The following NSUN2 variants were observed in gnomAD, a reference collection of about 807,000 sequenced individuals.
The protein encoded by NSUN2 is RNA cytosine C(5)-methyltransferase NSUN2.
In NSUN2, 63 loss-of-function variants were observed where a neutral mutation model predicts 92.7. The ratio of observed to expected loss-of-function variants is 0.68; its 90% CI spans 0.56 to 0.84. The LOEUF (loss-of-function observed/expected upper bound fraction) is 0.84, where lower values mean the gene tolerates loss of function less well. NSUN2 is among the 40% of genes least tolerant of loss of function. The pLI is 0.00. For synonymous variants in NSUN2, 356 were observed against 348.3 expected (o/e 1.02, Z -0.25); for missense variants, 989 against 964.9 (o/e 1.02, Z -0.33).
chr5:6,628,991 AC>A (rs147212045), intron 3 of NSUN2, among the ~76,000 whole-genome samples: 288 of 152,322 alleles, frequency 1.9e-3, no homozygotes, highest in African/African-American at 6.7e-3. Flanking sequence ...GCTGCAGTGA[AC>A]CGTCATGACA....
intron 17 of NSUN2, 171 bp downstream of exon 17, chr5:6,603,967 A>T (rs1579353848): frequency 3.2e-6 from 2 of 616,490 alleles, no homozygotes; most frequent in East Asian, 5.9e-5. Context: ...TTTGACCCTT[A>T]GCATTCTGAA....
At chr5:6,629,710 A>C (rs1241125857) in intron 3 of NSUN2, among the ~76,000 whole-genome samples, 1 of 152,166 alleles carries the variant, frequency 6.6e-6, no homozygotes, top group Non-Finnish European at 1.5e-5. Context: ...TTGAATTGTA[A>C]TATTCCCCAC....
intron 12 of NSUN2, among the ~76,000 whole-genome samples, chr5:6,607,667 T>C: frequency 6.6e-6 from 1 of 152,238 alleles, no homozygotes; most frequent in East Asian, 1.9e-4. Context: ...CACCAGCTTG[T>C]TCTCGTGTAA....
At chr5:6,629,037 C>T (rs1224239699) in intron 3 of NSUN2, among the ~76,000 whole-genome samples, 1 of 152,020 alleles carries the variant, frequency 6.6e-6, no homozygotes, top group Non-Finnish European at 1.5e-5. Context: ...AGAGTGAGAC[C>T]CTGTCTCAAA....
Position 6,623,278 on chromosome 5 carries a change from A to G in NSUN2, c.473T>C (p.Ile158Thr), listed in dbSNP as rs1737532224. The change falls in exon 5 of 19, where the codon ATT becomes ACT. Residue 158 changes from isoleucine to threonine, a missense_variant. Physicochemically the swap from Ile to Thr is moderately conservative, Grantham distance 89. Coordinates refer to ENST00000264670, the MANE Select transcript of NSUN2 (RefSeq NM_017755.6). Reference sequence around the variant, plus strand: ...CATGCTAACAGCTTCTTGACGACTAATATTTCCCTTGAGGAAAAAAAAAAA... The same window carrying G: ...CATGCTAACAGCTTCTTGACGACTAGTATTTCCCTTGAGGAAAAAAAAAAA... ...FLVSETESGNISRQEAVSMIP... is the reference protein window; with the variant it reads ...FLVSETESGNTSRQEAVSMIP... 1.3e-6 allele frequency: 2 copies of G among 1,589,234 alleles called. No homozygotes were observed. Among genetic ancestry groups the G allele is most frequent in the East Asian group, 2.2e-5 (1 of 44,476 alleles).
chr5:6,630,664 C>T (rs1737843783), intron 3 of NSUN2, among the ~76,000 whole-genome samples: 1 of 152,000 alleles, frequency 6.6e-6, no homozygotes, highest in Non-Finnish European at 1.5e-5. Context: ...TCCAAATAGC[C>T]AATGAAAGAA....
intron 2 of NSUN2, 108 bp downstream of exon 2, chr5:6,632,491 A>G: frequency 7.5e-7 from 1 of 1,335,980 alleles, no homozygotes; most frequent in East Asian, 2.3e-5. Flanking sequence ...AAACCGCTGA[A>G]ACGCCACGGT....
intron 5 of NSUN2, among the ~76,000 whole-genome samples, chr5:6,622,580 G>C (rs1314647671): frequency 6.6e-6 from 1 of 152,164 alleles, no homozygotes; most frequent in Non-Finnish European, 1.5e-5. Context: ...AGGCACAGTG[G>C]CTCACACCTG....
chr5:6,625,832 C>T (rs1256089095), intron 3 of NSUN2, among the ~76,000 whole-genome samples, 163 bp from the exon 4 acceptor site: 4 of 152,200 alleles, frequency 2.6e-5, no homozygotes, highest in Admixed American at 6.5e-5. Context: ...TCAGAGATGT[C>T]GCTGTAGGCT....
chr5:6,621,477 G>C (rs1046905040), intron 6 of NSUN2: 2 of 152,210 alleles, frequency 1.3e-5, no homozygotes. Context: ...AGCCGGGCGT[G>C]GTGGCTCACA....
In NSUN2 at chr5:6,607,954, TTTAC is replaced by T. The variant is rs572152354; in HGVS notation, c.1324-574_1324-571del. Reference sequence around the variant, plus strand: ...TTGGCTTTGGGAATGAGCAAAATGTTTTACTTAAAGATCTTTAAAAAATACATGT... The same window carrying T: ...TTGGCTTTGGGAATGAGCAAAATGTTTTAAAGATCTTTAAAAAATACATGT... On this transcript the variant is annotated intron_variant, in intron 12 of 18. Transcript: ENST00000264670. Among the ~76,000 whole-genome samples, 88 of 152,304 alleles carry T rather than the reference TTTAC, an allele frequency of 5.8e-4. 1 individual carries two copies. The highest frequency in any genetic ancestry group is 2.1e-3 in the African/African-American group (88 of 41,544).
chr5:6,606,498 G>A (rs1183219817), intron 14 of NSUN2, among the ~76,000 whole-genome samples: 4 of 152,012 alleles, frequency 2.6e-5, no homozygotes, highest in Non-Finnish European at 5.9e-5. Flanking sequence ...TGTCAGCCAG[G>A]ATGGTCTCAA....
chr5:6,633,032 A>C lies in NSUN2; in HGVS notation c.-53T>G. ...CAGAAACCGGCCCGCCACGGCCAGA[A>C]CTCTAGCCCTACACCTCCCGGGACT... is the stretch of plus-strand genomic sequence containing the variant. On this transcript the variant is annotated 5_prime_UTR_variant, in exon 1 of 19. Transcript: ENST00000264670. The C allele has an allele frequency of 7.2e-7, 1 of 1,392,086 alleles. No individual in the cohort carries two copies. Among genetic ancestry groups the C allele is most frequent in the South Asian group, 1.6e-5 (1 of 62,862 alleles). 86.2% of individuals were successfully genotyped at this position (1,392,086 alleles called of 1,614,324 possible).
In NSUN2 at chr5:6,604,850, T is replaced by G. The variant is rs1027846357; in HGVS notation, c.1738-165A>C. On this transcript the variant is annotated intron_variant, in intron 15 of 18. Transcript: ENST00000264670. Reference sequence around the variant, plus strand: ...AGAACGAACTGATACTCACAACTTGTGATTACGTCGTTTGGAGGACAGTAA... The same window carrying G: ...AGAACGAACTGATACTCACAACTTGGGATTACGTCGTTTGGAGGACAGTAA... The G allele has an allele frequency of 1.3e-5, 8 of 638,858 alleles. No homozygotes were observed. The African/African-American group carries it at 1.5e-4, about 12-fold the overall frequency. The allele number at this position is 638,858 out of a possible 1,614,324, so 39.6% of individuals were successfully genotyped here. A position where few individuals can be genotyped will look rare whatever the true frequency, so the allele number is the denominator to read the frequency against.
At position 6,599,886 on chromosome 5, in the gene NSUN2, T is replaced by A. The variant is rs1229357357; in HGVS notation, c.*40A>T. 1 of 1,584,574 alleles carries A rather than the reference T, an allele frequency of 6.3e-7. No individual in the cohort carries two copies. The highest frequency in any genetic ancestry group is 1.3e-5 in the African/African-American group (1 of 74,320). ...ACCAGTGACCAGAAGAAGCCAGTTT[T>A]GCGTGTGAGGGGTGTGGGCCCCCGC... On this transcript the variant is annotated 3_prime_UTR_variant, in exon 19 of 19. Coordinates refer to ENST00000264670, the MANE Select transcript of NSUN2 (RefSeq NM_017755.6).
intron 16 of NSUN2, 144 bp from the exon 17 acceptor site, chr5:6,604,420 ACC>A (rs33910823): frequency 1.2e-5 from 10 of 864,776 alleles, no homozygotes; most frequent in African/African-American, 1.7e-5. Flanking sequence ...TGTGGAACCC[ACC>A]CCCCCCTAGG....
intron 9 of NSUN2, among the ~76,000 whole-genome samples, chr5:6,615,205 C>CT (rs1737158968): frequency 6.6e-6 from 1 of 152,038 alleles, no homozygotes; most frequent in African/African-American, 2.4e-5. Flanking sequence ...ACCCTCAAGT[C>CT]TGAGTCGTAA....
chr5:6,602,705 C>G (rs565794021), intron 17 of NSUN2, among the ~76,000 whole-genome samples: 41 of 152,310 alleles, frequency 2.7e-4, no homozygotes, highest in African/African-American at 9.6e-4. Context: ...TAGGGACGAT[C>G]TGGAAGAGGA....
rs772043593 is a variant in NSUN2, at chr5:6,605,295, A to C, written c.1715T>G (p.Leu572Arg). The C allele has an allele frequency of 6.2e-7, 1 of 1,614,200 alleles. No homozygotes were observed. The highest frequency in any genetic ancestry group is 8.5e-7 in the Non-Finnish European group (1 of 1,180,026). ...CACCTTCATCTTCTCACTGTTATTC[A>C]GCAGCACATTCCGCAACTCCTTAGA... is the stretch of plus-strand genomic sequence containing the variant. Reference protein sequence around the residue: ...MVSKELRNVLLNNSEKMKVIN... With the variant: ...MVSKELRNVLRNNSEKMKVIN... The change falls in exon 15 of 19, where the codon CTG becomes CGG. Residue 572 changes from leucine to arginine, a missense_variant. Around this residue, in one of 3 missense-constraint regions of NSUN2, gnomAD observed 626 missense variants for 602.3 expected, o/e 1.04. Coordinates refer to ENST00000264670, the MANE Select transcript of NSUN2 (RefSeq NM_017755.6).
Sources: allele counts gnomAD v4.1 joint callset (sites outside exome capture counted in the v4.1 genomes callset), GRCh38; gene constraint gnomAD v4.1.1; regional missense constraint gnomAD v4.1.1; transcripts MANE v1.5; gene names NCBI Gene and HGNC (gene_info 2026-07-23, HGNC 2026-07-21).